Variants in NFIC observed in about 807,000 individuals in gnomAD.
NFIC encodes nuclear factor 1 C-type.
A neutral mutation model predicts 54.4 loss-of-function variants in NFIC; 12 were observed. The observed-to-expected ratio is 0.22, with a 90% CI of 0.14 to 0.36. The LOEUF (loss-of-function observed/expected upper bound fraction) is 0.36, where lower values mean the gene tolerates loss of function less well. Ranked by LOEUF, NFIC falls within the 10% of genes least tolerant of loss-of-function variation. The probability of loss-of-function intolerance (pLI) is 1.00; values close to 1 mark genes in which losing one functional copy is unlikely to be tolerated. For synonymous variants in NFIC, 322 were observed against 319.2 expected (o/e 1.01, Z -0.09); for missense variants, 575 against 718.2 (o/e 0.80, Z 2.28).
chr19:3,381,413 A>AAAAAAAAG (rs2081204750), intron 1 of NFIC, among the ~76,000 whole-genome samples: 1 of 150,718 alleles, frequency 6.6e-6, no homozygotes, highest in Non-Finnish European at 1.5e-5. Context: ...AAAAAAAAAA[A>AAAAAAAAG]AATGATCCTC....
intron 10 of NFIC, 32 bp from the exon 11 acceptor site, chr19:3,462,720 C>T (rs773639695): frequency 1.9e-6 from 3 of 1,612,028 alleles, no homozygotes; most frequent in African/African-American, 1.3e-5. Flanking sequence ...CTTTTTCTCT[C>T]TCCCTCTTTC....
intron 1 of NFIC, among the ~76,000 whole-genome samples, chr19:3,377,830 C>G (rs1342942695): frequency 6.6e-6 from 1 of 152,068 alleles, no homozygotes; most frequent in Non-Finnish European, 1.5e-5. Context: ...ACATGTTGGT[C>G]AGGCTGCTCT....
At chr19:3,445,767 G>A (rs141022387) in intron 6 of NFIC, among the ~76,000 whole-genome samples, 2 of 152,322 alleles carry the variant, frequency 1.3e-5, no homozygotes, top group African/African-American at 4.8e-5. Flanking sequence ...AGGATGCAGC[G>A]ATGCTGGGAG....
intron 2 of NFIC, among the ~76,000 whole-genome samples, chr19:3,392,589 G>A (rs1207900415): frequency 6.6e-6 from 1 of 152,222 alleles, no homozygotes; most frequent in Non-Finnish European, 1.5e-5. Flanking sequence ...CCCAGAGCCA[G>A]TGGGAGGGGG....
chr19:3,380,164 C>T (rs774015714), intron 1 of NFIC, among the ~76,000 whole-genome samples: 1 of 150,280 alleles, frequency 6.7e-6, no homozygotes, highest in East Asian at 2.0e-4. Context: ...CCACGCCCGG[C>T]TAATTTTTTT....
intron 2 of NFIC, among the ~76,000 whole-genome samples, chr19:3,394,414 G>A (rs994506420): frequency 2.0e-5 from 3 of 151,686 alleles, no homozygotes; most frequent in African/African-American, 7.3e-5. Flanking sequence ...CAGGAATGTG[G>A]GGCTCCAGCG....
intron 2 of NFIC, among the ~76,000 whole-genome samples, chr19:3,421,521 C>T (rs1236868308): frequency 3.4e-4 from 52 of 152,234 alleles, no homozygotes. Context: ...GGCTGCTGTC[C>T]AGCCCAGATG....
intron 10 of NFIC, among the ~76,000 whole-genome samples, chr19:3,457,237 G>A (rs1043913284): frequency 2.0e-5 from 3 of 152,174 alleles, no homozygotes; most frequent in Admixed American, 6.5e-5. Context: ...TCATGTTCAC[G>A]TTGATGTTCA....
At position 3,407,254 on chromosome 19, in the gene NFIC, C is replaced by T. The variant is rs554686755; in HGVS notation, c.563-17852C>T. On this transcript the variant is annotated intron_variant, in intron 2 of 10. Transcript: ENST00000443272. The stretch of plus-strand genomic sequence containing the variant: ...TCAGCCTCCCGAGTAGCTGGGACTA[C>T]AGGCGCCCGCCACCACGCCCGGCTA... Among the ~76,000 whole-genome samples the T allele has an allele frequency of 2.0e-5, 3 of 151,852 alleles. No individual in the cohort carries two copies. The South Asian group carries it at 6.2e-4, about 32-fold the overall frequency.
intron 1 of NFIC, among the ~76,000 whole-genome samples, chr19:3,374,202 A>G (rs2081068193): frequency 6.6e-6 from 1 of 152,076 alleles, no homozygotes; most frequent in Non-Finnish European, 1.5e-5. Context: ...GAGCACAGGG[A>G]GGTGAGTGAG....
intron 2 of NFIC, among the ~76,000 whole-genome samples, chr19:3,390,192 A>G (rs78372399): frequency 0.032 from 4,921 of 152,294 alleles, 128 homozygotes; most frequent in Middle Eastern, 0.055. Flanking sequence ...TCTGGACAGC[A>G]GAGGGGTGAG....
intron 2 of NFIC, among the ~76,000 whole-genome samples, chr19:3,412,048 A>T (rs538748238): frequency 1.3e-5 from 2 of 152,292 alleles, no homozygotes; most frequent in African/African-American, 4.8e-5. Flanking sequence ...TGTAATCGAC[A>T]TCGTATACAA....
In NFIC at chr19:3,439,333, CAAAAAAAAAAAAAAAAAAAAAAAAA is replaced by C. The variant is rs539916342; in HGVS notation, c.958+4144_958+4168del. Among the ~76,000 whole-genome samples, 20 of 23,324 alleles carry C rather than the reference CAAAAAAAAAAAAAAAAAAAAAAAAA, an allele frequency of 8.6e-4. 1 individual carries two copies. In the South Asian group the frequency reaches 0.011, roughly 12 times the overall value. 15.3% of individuals were successfully genotyped at this position (23,324 alleles called of 152,430 possible). ...GGGGCAACAGAGAAAGACCCTGTCT[CAAAAAAAAAAAAAAAAAAAAAAAAA>C]AAAAAAAAAAAAAAAAAGGCTCACC... On this transcript the variant is annotated intron_variant, in intron 6 of 10. Transcript: ENST00000443272.
At chr19:3,443,658 A>T (rs1394536589) in intron 6 of NFIC, among the ~76,000 whole-genome samples, 4 of 151,966 alleles carry the variant, frequency 2.6e-5, no homozygotes, top group African/African-American at 9.7e-5. Context: ...GGGTCCATGG[A>T]ATCCTCTAAG....
chr19:3,394,514 T>TCCCCCCCCCCCCCCC (rs199958298), intron 2 of NFIC, among the ~76,000 whole-genome samples: 5 of 25,226 alleles, frequency 2.0e-4, no homozygotes, highest in Non-Finnish European at 2.6e-4. Flanking sequence ...TATGATCTTT[T>TCCCCCCCCCCCCCCC]CCCCACCCAC....
chr19:3,386,384 G>A (rs1456187855), intron 2 of NFIC, among the ~76,000 whole-genome samples: 3 of 143,196 alleles, frequency 2.1e-5, no homozygotes, highest in Non-Finnish European at 3.0e-5. Flanking sequence ...GTGCAGTGGC[G>A]CGATCTTGGC....
Position 3,452,286 on chromosome 19 carries a change from C to T in NFIC, c.1085-196C>T, listed in dbSNP as rs536572799. ...TTAAAACACAAGGATAATATCACAG[C>T]CCCAGTGGGGTTGCCGTGGGAGTCG... On this transcript the variant is annotated intron_variant, in intron 7 of 10. Coordinates refer to ENST00000443272, the MANE Select transcript of NFIC (RefSeq NM_001245002.2). This position sits in a 1 kb window ranked among gnomAD's most constrained non-coding sequence, Gnocchi z 5.3. Among the ~76,000 whole-genome samples, 1 of 152,006 alleles carries T rather than the reference C, an allele frequency of 6.6e-6. No individual in the cohort carries two copies. The highest frequency in any genetic ancestry group is 1.9e-4 in the East Asian group (1 of 5,192).
chr19:3,378,478 G>T (rs1007701888), intron 1 of NFIC, among the ~76,000 whole-genome samples: 5 of 152,178 alleles, frequency 3.3e-5, no homozygotes, highest in African/African-American at 1.2e-4. Context: ...CCCAGACAGG[G>T]AGCTGGGGGC....
chr19:3,368,911 CTCTGTGTGTG>C (rs1375232586), intron 1 of NFIC, among the ~76,000 whole-genome samples: 1 of 92,232 alleles, frequency 1.1e-5, no homozygotes, highest in Non-Finnish European at 2.1e-5. Flanking sequence ...CTTGCTCTGA[CTCTGTGTGTG>C]TGTGTGTGTG....
Sources: gnomAD v4.1 joint callset for allele counts (sites outside exome capture counted in the v4.1 genomes callset) on GRCh38, gnomAD v4.1.1 for gene constraint, Gnocchi (gnomAD v3.1) non-coding constraint, MANE v1.5 for transcripts, NCBI Gene and HGNC (gene_info 2026-07-23, HGNC 2026-07-21) for gene names.